TYR: variants seen among roughly 807,000 people sequenced by gnomAD.
The protein encoded by TYR is LB24-AB.
Under a neutral mutation model 51.5 loss-of-function variants are expected in TYR, and 58 were observed. That is an observed-to-expected ratio of 1.13 (90% CI 0.91 to 1.40). The LOEUF (loss-of-function observed/expected upper bound fraction) is 1.40. Among genes scored for constraint, TYR ranks in the 40% most tolerant of loss-of-function variants. The pLI is 0.00. For synonymous variants in TYR, 263 were observed against 235.2 expected (o/e 1.12, Z -1.08); for missense variants, 732 against 647.4 (o/e 1.13, Z -1.42).
intron 1 of TYR, among the ~76,000 whole-genome samples, chr11:89,179,552 C>A (rs901938726): frequency 1.9e-4 from 29 of 149,650 alleles, no homozygotes; most frequent in African/African-American, 6.6e-4. Context: ...TAATAAGCAG[C>A]AAAAAAAAAA....
At chr11:89,227,741 A>T in intron 2 of TYR, 82 bp from the exon 3 acceptor site, 1 of 1,201,050 alleles carries the variant, frequency 8.3e-7, no homozygotes, top group Non-Finnish European at 1.2e-6. Flanking sequence ...TTCAAGTTAT[A>T]GTTATAAATC....
chr11:89,294,150 C>G (rs1944879747), intron 4 of TYR: 2 of 154,280 alleles, frequency 1.3e-5, no homozygotes, highest in Admixed American at 6.5e-5. Context: ...AGGAAATGCT[C>G]CACCTTCCCT....
chr11:89,229,675 A>T (rs1944021103), intron 3 of TYR, among the ~76,000 whole-genome samples: 1 of 152,050 alleles, frequency 6.6e-6, no homozygotes, highest in Non-Finnish European at 1.5e-5. Flanking sequence ...GAAAACTGTT[A>T]AAACTGATAA....
At chr11:89,194,379 T>A (rs1943487884) in intron 2 of TYR, among the ~76,000 whole-genome samples, 1 of 152,208 alleles carries the variant, frequency 6.6e-6, no homozygotes, top group African/African-American at 2.4e-5. Flanking sequence ...TGGAGGCACA[T>A]CATGACCATC....
chr11:89,237,299 T>G (rs1306086797), intron 3 of TYR, among the ~76,000 whole-genome samples: 1 of 152,126 alleles, frequency 6.6e-6, no homozygotes, highest in Non-Finnish European at 1.5e-5. Context: ...CATGGAGCGT[T>G]CCCCCCATTT....
intron 2 of TYR, among the ~76,000 whole-genome samples, chr11:89,227,158 C>T (rs139801473): frequency 6.6e-6 from 1 of 152,198 alleles, no homozygotes; most frequent in African/African-American, 2.4e-5. Flanking sequence ...ACATATGTCA[C>T]AATAAACATT....
rs184580565 is a variant in TYR, at chr11:89,245,823, G to A, written c.1184+17853G>A. On this transcript the variant is annotated intron_variant, in intron 3 of 4. Coordinates refer to ENST00000263321, the MANE Select transcript of TYR (RefSeq NM_000372.5). The stretch of plus-strand genomic sequence containing the variant: ...TGTAGTCCCAGCTACTTGGGAGGCT[G>A]AGGCAGGAGAATGGAGTGAACCTGG... Among the ~76,000 whole-genome samples, 1,046 of 152,112 alleles carry A rather than the reference G, an allele frequency of 6.9e-3. 7 individuals are homozygous for A. The highest frequency in any genetic ancestry group is 0.028 in the South Asian group (134 of 4,808).
intron 2 of TYR, among the ~76,000 whole-genome samples, chr11:89,201,486 A>G (rs1345453023): frequency 1.3e-5 from 2 of 152,248 alleles, no homozygotes; most frequent in Non-Finnish European, 2.9e-5. Flanking sequence ...GAAACAGAAA[A>G]TTAAAAAGGC....
At chr11:89,236,112 C>A (rs918293554) in intron 3 of TYR, among the ~76,000 whole-genome samples, 1 of 151,890 alleles carries the variant, frequency 6.6e-6, no homozygotes, top group African/African-American at 2.4e-5. Flanking sequence ...ATGTCAGAGT[C>A]GAGTAGCTGT....
intron 3 of TYR, among the ~76,000 whole-genome samples, chr11:89,263,286 G>C (rs1465660785): frequency 1.3e-5 from 2 of 151,736 alleles, no homozygotes; most frequent in Non-Finnish European, 2.9e-5. Flanking sequence ...TGCAGAAAAA[G>C]ATAGTACCTT....
chr11:89,288,005 T>C (rs1474906952), intron 4 of TYR, among the ~76,000 whole-genome samples: 2 of 151,882 alleles, frequency 1.3e-5, no homozygotes, highest in Non-Finnish European at 2.9e-5. Flanking sequence ...AAATGATGAA[T>C]GGTAGTATAA....
chr11:89,206,468 C>G (rs1943673921), intron 2 of TYR, among the ~76,000 whole-genome samples: 1 of 151,970 alleles, frequency 6.6e-6, no homozygotes, highest in African/African-American at 2.4e-5. Context: ...GTGTATGCAC[C>G]AAACAAGCTT....
chr11:89,253,115 C>A (rs1590879935), intron 3 of TYR, among the ~76,000 whole-genome samples: 1 of 151,792 alleles, frequency 6.6e-6, no homozygotes, highest in South Asian at 2.1e-4. Context: ...ATTAGAATTT[C>A]TCTTAATTCT....
chr11:89,268,532 T>C (rs1360577204), intron 3 of TYR, among the ~76,000 whole-genome samples: 1 of 151,970 alleles, frequency 6.6e-6, no homozygotes, highest in Non-Finnish European at 1.5e-5. Flanking sequence ...ATTTGTCATA[T>C]GTAGAAGTTG....
chr11:89,182,302 A>G (rs1943310345), intron 1 of TYR, among the ~76,000 whole-genome samples: 1 of 152,234 alleles, frequency 6.6e-6, no homozygotes, highest in African/African-American at 2.4e-5. Context: ...GCTAACATAC[A>G]TAAAATATTA....
rs186580624 is a variant in TYR, at chr11:89,211,303, C to A, written c.1037-16520C>A. On this transcript the variant is annotated intron_variant, in intron 2 of 4. Transcript: ENST00000263321. ...TGGAAAACAAAACAAAAGAAAAAAG[C>A]AGGGGTTGCAATCCTGGTCTTTAAA... Among the ~76,000 whole-genome samples the A allele has an allele frequency of 3.3e-5, 5 of 152,028 alleles. No individual in the cohort carries two copies. The East Asian group carries it at 5.8e-4, about 18-fold the overall frequency.
chr11:89,215,326 AACAATGAGAAC>A (rs1943817415), intron 2 of TYR, among the ~76,000 whole-genome samples: 1 of 150,688 alleles, frequency 6.6e-6, no homozygotes. Context: ...GTGGGAGTTA[AACAATGAGAAC>A]ACATGGACAC....
chr11:89,265,941 T>G (rs935008734), intron 3 of TYR, among the ~76,000 whole-genome samples: 1 of 151,970 alleles, frequency 6.6e-6, no homozygotes, highest in African/African-American at 2.4e-5. Context: ...AATAAAAATT[T>G]TGGCTGGAGA....
At position 89,194,556 on chromosome 11, in the gene TYR, T is replaced by A. The variant is rs561299217; in HGVS notation, c.1036+3138T>A. 9.9e-4 allele frequency among the ~76,000 whole-genome samples: 151 copies of A among 152,324 alleles called. 1 individual carries two copies. The highest frequency in any genetic ancestry group is 3.5e-3 in the African/African-American group (144 of 41,586). On this transcript the variant is annotated intron_variant, in intron 2 of 4. Coordinates refer to ENST00000263321, the MANE Select transcript of TYR (RefSeq NM_000372.5). ...TTTCTTCTACAGTTGGCATCGTCGA[T>A]GGTTACAAATTTATGATTTTTCAAC...
Sources: allele counts gnomAD v4.1 joint callset (sites outside exome capture counted in the v4.1 genomes callset), GRCh38; gene constraint gnomAD v4.1.1; transcripts MANE v1.5; gene names NCBI Gene and HGNC (gene_info 2026-07-23, HGNC 2026-07-21).